The following CORT variants were observed in gnomAD, a reference collection of about 807,000 sequenced individuals.
CORT encodes the protein cortistatin-14.
In CORT, 2 loss-of-function variants were observed where a neutral mutation model predicts 4.4. That is an observed-to-expected ratio of 0.46 (90% confidence interval 0.19 to 1.44). The LOEUF (loss-of-function observed/expected upper bound fraction) is 1.44. CORT is among the 40% of genes most tolerant of loss of function. CORT has a pLI of 0.26. For missense variants in CORT, 158 were observed against 140.2 expected (o/e 1.13, Z -0.64); for synonymous variants, 72 against 62.0 (o/e 1.16, Z -0.75).
rs760500441 is a variant in CORT, at chr1:10,451,525, A to G, written c.248A>G (p.Gln83Arg). 1.2e-6 allele frequency: 2 copies of G among 1,614,060 alleles called. No individual in the cohort carries two copies. Among genetic ancestry groups the G allele is most frequent in the South Asian group, 1.1e-5 (1 of 91,076 alleles). ...AGGCGGCAGGAAGGCGCACCCCCCCAGCAATCTGCGCGCCGGGACAGAATG... is the reference window on the plus strand; with the variant it reads ...AGGCGGCAGGAAGGCGCACCCCCCCGGCAATCTGCGCGCCGGGACAGAATG... Reference protein sequence around the residue: ...VARRQEGAPPQQSARRDRMPC... With the variant: ...VARRQEGAPPRQSARRDRMPC... The change falls in exon 2 of 2, where the codon CAG (glutamine) becomes CGG (arginine). Residue 83 changes from glutamine to arginine, a missense_variant. Transcript: ENST00000377049.
intron 1 of CORT, 138 bp downstream of exon 1, chr1:10,450,460 T>G: frequency 3.0e-6 from 3 of 1,003,928 alleles, no homozygotes; most frequent in Non-Finnish European, 3.9e-6. Context: ...CTTTGTAGTG[T>G]TCTTGGCTGG....
intron 1 of CORT, among the ~76,000 whole-genome samples, chr1:10,450,910 C>T (rs1391278415): frequency 6.6e-6 from 1 of 152,168 alleles, no homozygotes; most frequent in Non-Finnish European, 1.5e-5. Context: ...CAGAATATAA[C>T]GTTTGTTTCA....
chr1:10,451,085 T>C (rs906490969), intron 1 of CORT, among the ~76,000 whole-genome samples: 2 of 152,186 alleles, frequency 1.3e-5, no homozygotes, highest in African/African-American at 2.4e-5. Context: ...TAGCAGAGTA[T>C]GGAGCAAAAC....
chr1:10,451,579 TCTC>T lies in CORT; in HGVS notation c.308_310del (p.Ser103del), dbSNP rs772618348. 36 of 1,612,354 alleles carry T rather than the reference TCTC, an allele frequency of 2.2e-5. No individual in the cohort carries two copies. Among genetic ancestry groups the T allele is most frequent in the South Asian group, 1.5e-4 (14 of 90,848 alleles). On this transcript the variant is annotated inframe_deletion, in exon 2 of 2. Coordinates refer to ENST00000377049, the MANE Select transcript of CORT (RefSeq NM_001302.5). ...TGCAGGAACTTCTTCTGGAAGACCT[TCTC>T]CTCCTGCAAATAAAACCTCACCCAT... is the stretch of plus-strand genomic sequence containing the variant.
rs754981461 is a variant in CORT at position 10,450,136 on chromosome 1, G to T, written c.-88G>T. 6.2e-7 allele frequency: 1 copy of T among 1,609,800 alleles called. No homozygotes were observed. Among genetic ancestry groups the T allele is most frequent in the East Asian group, 2.2e-5 (1 of 44,616 alleles). Reference sequence around the variant, plus strand: ...AATACCCACCAAGCTCCAAAGAAGAGACCCAAGTCCCCAAAACATTGATTT... The same window carrying T: ...AATACCCACCAAGCTCCAAAGAAGATACCCAAGTCCCCAAAACATTGATTT... On this transcript the variant is annotated 5_prime_UTR_variant, in exon 1 of 2. Coordinates refer to ENST00000377049, the MANE Select transcript of CORT (RefSeq NM_001302.5).
Position 10,450,241 on chromosome 1 carries a change from C to T in CORT, c.18C>T (p.Gly6=). 6.3e-7 allele frequency: 1 copy of T among 1,584,548 alleles called. No individual in the cohort carries two copies. The highest frequency in any genetic ancestry group is 8.6e-7 in the Non-Finnish European group (1 of 1,165,342). Reference sequence around the variant, plus strand: ...CCCACAAGATGCCATTGTCCCCCGGCCTCCTGCTGCTGCTGCTCTCCGGGG... The same window carrying T: ...CCCACAAGATGCCATTGTCCCCCGGTCTCCTGCTGCTGCTGCTCTCCGGGG... MPLSP[G]LLLLLLSGAT... The change falls in exon 1 of 2, where the codon GGC becomes GGT. Residue 6 remains glycine, a synonymous_variant. Coordinates refer to ENST00000377049, the MANE Select transcript of CORT (RefSeq NM_001302.5).
chr1:10,450,607 G>A lies in CORT; in HGVS notation c.99+285G>A, dbSNP rs183823337. Among the ~76,000 whole-genome samples the A allele has an allele frequency of 5.5e-3, 841 of 152,304 alleles. 6 individuals are homozygous for A. The highest frequency in any genetic ancestry group is 0.019 in the African/African-American group (800 of 41,586). ...TGGGAAAGGGGAAGCGAGTGTACCC[G>A]TCCACTGCAGGGCAGGCATGGAGCT... On this transcript the variant is annotated intron_variant, in intron 1 of 1. Transcript: ENST00000377049.
chr1:10,450,358 ACT>A (rs776079055), intron 1 of CORT, 36 bp downstream of exon 1: 464 of 1,433,348 alleles, frequency 3.2e-4, no homozygotes, highest in Non-Finnish European at 3.9e-4. Context: ...ACGCTAGCCC[ACT>A]CTCTGTCTCT....
In CORT at chr1:10,450,256, G is replaced by A. The variant is rs1425395787; in HGVS notation, c.33G>A (p.Leu11=). Residue 11 remains leucine (L), a synonymous_variant, in exon 1 of 2, where the codon CTG becomes CTA. Coordinates refer to ENST00000377049, the MANE Select transcript of CORT (RefSeq NM_001302.5). ...TGTCCCCCGGCCTCCTGCTGCTGCT[G>A]CTCTCCGGGGCCACGGCCACCGCTG... MPLSPGLLLL[L]LSGATATAAL... The A allele has an allele frequency of 6.4e-6, 10 of 1,569,240 alleles. No individual in the cohort carries two copies. The East Asian group carries it at 6.9e-5, about 11-fold the overall frequency.
Position 10,451,767 on chromosome 1 carries a change from A to T in CORT, c.*172A>T. 1.7e-6 allele frequency: 2 copies of T among 1,151,018 alleles called. No homozygotes were observed. Among genetic ancestry groups the T allele is most frequent in the Non-Finnish European group, 2.3e-6 (2 of 854,894 alleles). The allele number at this position is 1,151,018 out of a possible 1,614,324, so 71.3% of individuals were successfully genotyped here. Reference sequence around the variant, plus strand: ...TTGAGTAATTTGGAACCCAAAGTGAAGATCTTTGATAAAGATTTTTTTGTG... The same window carrying T: ...TTGAGTAATTTGGAACCCAAAGTGATGATCTTTGATAAAGATTTTTTTGTG... On this transcript the variant is annotated 3_prime_UTR_variant, in exon 2 of 2. Coordinates refer to ENST00000377049, the MANE Select transcript of CORT (RefSeq NM_001302.5).
At chr1:10,450,474 G>A (rs1640749854) in intron 1 of CORT, 152 bp downstream of exon 1, 22 of 851,672 alleles carry the variant, frequency 2.6e-5, no homozygotes, top group South Asian at 5.2e-5. Flanking sequence ...TGGCTGGCCC[G>A]AGGTACTGGG....
Position 10,450,263 on chromosome 1 carries a change from G to C in CORT, c.40G>C (p.Gly14Arg), listed in dbSNP as rs374605608. ...SPGLLLLLLS[G>R]ATATAALPLE... ...CGGCCTCCTGCTGCTGCTGCTCTCC[G>C]GGGCCACGGCCACCGCTGCCCTGCC... Residue 14 changes from glycine to arginine, a missense_variant, in exon 1 of 2, where the codon GGG becomes CGG. Gly to Arg is a moderately radical substitution (Grantham distance 125). Coordinates refer to ENST00000377049, the MANE Select transcript of CORT (RefSeq NM_001302.5). 54 of 1,568,806 alleles carry C rather than the reference G, an allele frequency of 3.4e-5. No homozygotes were observed. The highest frequency in any genetic ancestry group is 4.6e-5 in the Non-Finnish European group (53 of 1,157,536).
At chr1:10,451,296 A>C in intron 1 of CORT, 81 bp from the exon 2 acceptor site, 1 of 1,414,152 alleles carries the variant, frequency 7.1e-7, no homozygotes, top group Non-Finnish European at 9.3e-7. Context: ...AGTAAGGAGG[A>C]GATTGCATAT....
chr1:10,451,474 T>C lies in CORT; in HGVS notation c.197T>C (p.Ile66Thr), dbSNP rs767385934. Reference protein sequence around the residue: ...WTSQASAGPLIGEEAREVARR... With the variant: ...WTSQASAGPLTGEEAREVARR... ...TCCCAGGCCAGTGCCGGGCCCCTCA[T>C]AGGAGAGGAAGCCCGGGAGGTGGCC... The change falls in exon 2 of 2, where the codon ATA becomes ACA. Residue 66 changes from isoleucine (I) to threonine (T), a missense_variant. By Grantham distance (89) the Ile-to-Thr change is moderately conservative. Transcript: ENST00000377049. 1.7e-5 allele frequency: 27 copies of C among 1,614,112 alleles called. No individual in the cohort carries two copies. The South Asian group carries it at 2.3e-4, about 14-fold the overall frequency.
chr1:10,450,821 C>T (rs1306225127), intron 1 of CORT, among the ~76,000 whole-genome samples: 2 of 152,176 alleles, frequency 1.3e-5, no homozygotes, highest in South Asian at 2.1e-4. Flanking sequence ...GGATTTTTCT[C>T]TAAAATTACC....
intron 1 of CORT, among the ~76,000 whole-genome samples, 167 bp downstream of exon 1, chr1:10,450,489 C>T (rs990774133): frequency 5.9e-5 from 9 of 152,332 alleles, no homozygotes; most frequent in Non-Finnish European, 1.2e-4. Flanking sequence ...ACTGGGATGC[C>T]GCATTCAGAC....
Position 10,450,093 on chromosome 1 carries a change from G to C in CORT, c.-131G>C. ...TTAGACATGTATAGACACAAAAACA[G>C]CTGGAGATTGGGCTTAAAATACCCA... On this transcript the variant is annotated 5_prime_UTR_variant, in exon 1 of 2. Coordinates refer to ENST00000377049, the MANE Select transcript of CORT (RefSeq NM_001302.5). 2 of 1,603,242 alleles carry C rather than the reference G, an allele frequency of 1.2e-6. No homozygotes were observed. Among genetic ancestry groups the C allele is most frequent in the Non-Finnish European group, 1.7e-6 (2 of 1,175,084 alleles).
In CORT at chr1:10,451,885, T is replaced by A. The variant is rs1640799563; in HGVS notation, c.*290T>A. 2 of 269,076 alleles carry A rather than the reference T, an allele frequency of 7.4e-6. No homozygotes were observed. Among genetic ancestry groups the A allele is most frequent in the Admixed American group, 1.1e-4 (2 of 18,920 alleles). 16.7% of individuals were successfully genotyped at this position (269,076 alleles called of 1,614,324 possible). ...GCTCTGTCTTTGATTTAAAATAAAA[T>A]AGCTAAAGGCTACACAATTAAGAGT... On this transcript the variant is annotated 3_prime_UTR_variant, in exon 2 of 2. Coordinates refer to ENST00000377049, the MANE Select transcript of CORT (RefSeq NM_001302.5).
In CORT at chr1:10,451,430, T is replaced by C. The variant is rs746165625; in HGVS notation, c.153T>C (p.Ala51=). The C allele has an allele frequency of 1.2e-6, 2 of 1,613,706 alleles. No individual in the cohort carries two copies. Among genetic ancestry groups the C allele is most frequent in the South Asian group, 2.2e-5 (2 of 91,042 alleles). The change falls in exon 2 of 2, where the codon GCT becomes GCC. Residue 51 remains alanine (A), a synonymous_variant. Transcript: ENST00000377049. Reference sequence around the variant, plus strand: ...AAAGCAGCCTCCTGACTTTCCTCGCTTGGTGGTTTGAGTGGACCTCCCAGG... The same window carrying C: ...AAAGCAGCCTCCTGACTTTCCTCGCCTGGTGGTTTGAGTGGACCTCCCAGG... ...IRKSSLLTFL[A]WWFEWTSQAS...
Sources: allele counts gnomAD v4.1 joint callset (sites outside exome capture counted in the v4.1 genomes callset), GRCh38; gene constraint gnomAD v4.1.1; transcripts MANE v1.5; gene names NCBI Gene and HGNC (gene_info 2026-07-23, HGNC 2026-07-21).